Variants in GRID2 observed in about 807,000 individuals in gnomAD.
GRID2 encodes glutamate ionotropic receptor delta type subunit 2.
A neutral mutation model predicts 114.8 loss-of-function variants in GRID2; 33 were observed. The observed-to-expected ratio is 0.29, with a 90% confidence interval of 0.22 to 0.38. The LOEUF is 0.38. GRID2 is among the 10% of genes least tolerant of loss of function. The pLI is 1.00. For synonymous variants in GRID2, 505 were observed against 449.9 expected (o/e 1.12, Z -1.55); for missense variants, 1,184 against 1,257.7 (o/e 0.94, Z 0.89).
At chr4:92,655,728 T>A (rs1732198330) in intron 2 of GRID2, among the ~76,000 whole-genome samples, 1 of 151,870 alleles carries the variant, frequency 6.6e-6, no homozygotes, top group South Asian at 2.1e-4. Flanking sequence ...TTTTGTATCC[T>A]GTAAGTTACC....
At chr4:92,648,609 T>C (rs1560509870) in intron 2 of GRID2, among the ~76,000 whole-genome samples, 1 of 149,354 alleles carries the variant, frequency 6.7e-6, no homozygotes, top group Non-Finnish European at 1.5e-5. Context: ...AAATGCCATG[T>C]TAAGAGTAAT....
Position 93,384,224 on chromosome 4 carries a change from C to A in GRID2, c.1246-11383C>A, listed in dbSNP as rs78151016. Among the ~76,000 whole-genome samples the A allele has an allele frequency of 5.9e-5, 9 of 152,262 alleles. No individual in the cohort carries two copies. In the East Asian group the frequency reaches 1.5e-3, roughly 26 times the overall value. ...AGAACCCTCGTGAATTAATCACCTT[C>A]TTAAATCTTTAATACAATTGAGTTC... On this transcript the variant is annotated intron_variant, in intron 8 of 15. Transcript: ENST00000282020.
chr4:93,077,296 A>G (rs901147611), intron 2 of GRID2, among the ~76,000 whole-genome samples: 2 of 152,200 alleles, frequency 1.3e-5, no homozygotes, highest in African/African-American at 2.4e-5. Flanking sequence ...GGGTTGTGAT[A>G]TTCTAGGTAG....
chr4:92,784,884 G>A (rs1739245016), intron 2 of GRID2, among the ~76,000 whole-genome samples: 1 of 151,796 alleles, frequency 6.6e-6, no homozygotes, highest in Admixed American at 6.6e-5. Flanking sequence ...TCTGAGCTGT[G>A]TCATCTTTTC....
chr4:92,392,092 T>G (rs537449299), intron 1 of GRID2, among the ~76,000 whole-genome samples: 3 of 152,328 alleles, frequency 2.0e-5, no homozygotes, highest in African/African-American at 7.2e-5. Flanking sequence ...AATCAGAAGA[T>G]TTACATTGAT....
intron 1 of GRID2, among the ~76,000 whole-genome samples, chr4:92,425,167 T>A (rs2110331156): frequency 6.6e-6 from 1 of 152,114 alleles, no homozygotes; most frequent in South Asian, 2.1e-4. Context: ...GGAAGATGAT[T>A]TTTTTCCACA....
chr4:93,325,117 A>C (rs1019519413), intron 8 of GRID2, among the ~76,000 whole-genome samples: 1 of 151,958 alleles, frequency 6.6e-6, no homozygotes, highest in Admixed American at 6.6e-5. Context: ...TAGTTCTTTT[A>C]ATTGTGATGT....
chr4:92,434,433 G>A (rs1054103616), intron 1 of GRID2, among the ~76,000 whole-genome samples: 7 of 152,098 alleles, frequency 4.6e-5, no homozygotes, highest in South Asian at 4.1e-4. Flanking sequence ...CAATGCATTC[G>A]GAATTCTGCT....
In GRID2 at chr4:93,568,285, A is replaced by G. The variant is rs571745686; in HGVS notation, c.2193+52874A>G. Among the ~76,000 whole-genome samples, 7 of 152,320 alleles carry G rather than the reference A, an allele frequency of 4.6e-5. No individual in the cohort carries two copies. The East Asian group carries it at 1.4e-3, about 29-fold the overall frequency. On this transcript the variant is annotated intron_variant, in intron 13 of 15. Transcript: ENST00000282020. ...CTGTATTCCCTAGGAAAAGGAAGGC[A>G]CACAATTAAAATAAGACATGATTTT...
intron 11 of GRID2, among the ~76,000 whole-genome samples, chr4:93,462,106 A>C (rs1357596052): frequency 6.6e-6 from 1 of 152,196 alleles, no homozygotes; most frequent in African/African-American, 2.4e-5. Context: ...GCAAGCATTT[A>C]TTAAGCACCA....
intron 13 of GRID2, among the ~76,000 whole-genome samples, chr4:93,580,489 T>C (rs1029754960): frequency 3.3e-5 from 5 of 152,168 alleles, no homozygotes; most frequent in Admixed American, 3.3e-4. Flanking sequence ...TTGACTGCAG[T>C]ATGGAATAAA....
intron 10 of GRID2, among the ~76,000 whole-genome samples, chr4:93,431,967 C>G (rs1326928038): frequency 1.3e-5 from 2 of 152,006 alleles, no homozygotes; most frequent in African/African-American, 4.8e-5. Context: ...AATAGATAGG[C>G]AAGAGAATGG....
At chr4:92,675,486 T>C (rs1469711765) in intron 2 of GRID2, among the ~76,000 whole-genome samples, 1 of 150,748 alleles carries the variant, frequency 6.6e-6, no homozygotes, top group East Asian at 2.0e-4. Context: ...GACTCCAAAC[T>C]CCAATCACTA....
intron 2 of GRID2, among the ~76,000 whole-genome samples, chr4:92,607,081 C>A (rs973392448): frequency 3.9e-5 from 6 of 151,984 alleles, no homozygotes; most frequent in African/African-American, 1.4e-4. Context: ...AGTTGAGTGT[C>A]TGAACTTACT....
chr4:92,551,843 T>C (rs1260581234), intron 1 of GRID2, among the ~76,000 whole-genome samples: 1 of 152,062 alleles, frequency 6.6e-6, no homozygotes, highest in Non-Finnish European at 1.5e-5. Flanking sequence ...CTGCTAGGAA[T>C]GGAGAAGACT....
At chr4:92,695,845 G>A (rs892428979) in intron 2 of GRID2, among the ~76,000 whole-genome samples, 4 of 151,916 alleles carry the variant, frequency 2.6e-5, no homozygotes, top group African/African-American at 4.8e-5. Context: ...AAAAAAATAC[G>A]AATCAAAAAA....
intron 2 of GRID2, among the ~76,000 whole-genome samples, chr4:92,807,565 A>G (rs1740478394): frequency 6.6e-6 from 1 of 152,016 alleles, no homozygotes; most frequent in Non-Finnish European, 1.5e-5. Flanking sequence ...TAAAATCTAT[A>G]ATATTAAAAA....
intron 14 of GRID2, among the ~76,000 whole-genome samples, chr4:93,674,830 T>C (rs1225959241): frequency 2.0e-5 from 3 of 152,180 alleles, no homozygotes; most frequent in Non-Finnish European, 4.4e-5. Context: ...TTTTCAACTG[T>C]ACATTAAGTA....
chr4:92,944,598 A>C (rs535775402), intron 2 of GRID2, among the ~76,000 whole-genome samples: 326 of 152,278 alleles, frequency 2.1e-3, no homozygotes, highest in Non-Finnish European at 3.9e-3. Context: ...CCCCAGGGAG[A>C]TGAACCTGGT....
Sources: allele counts gnomAD v4.1 joint callset (sites outside exome capture counted in the v4.1 genomes callset), GRCh38; gene constraint gnomAD v4.1.1; transcripts MANE v1.5; gene names NCBI Gene and HGNC (gene_info 2026-07-23, HGNC 2026-07-21).